The following FRMD4A variants were observed in gnomAD, a reference collection of about 807,000 sequenced individuals.
FRMD4A encodes the protein FERM domain-containing protein 4A.
In FRMD4A, 29 loss-of-function variants were observed where a neutral mutation model predicts 129.1. That is an observed-to-expected ratio of 0.22 (90% CI 0.17 to 0.31). FRMD4A has a LOEUF of 0.31. Among genes scored for constraint, FRMD4A ranks in the 10% least tolerant of loss-of-function variants. The pLI is 1.00. For missense variants in FRMD4A, 1,272 were observed against 1,375.8 expected, an observed-to-expected ratio of 0.92 and a Z score of 1.19; for synonymous variants, 634 against 571.6, an observed-to-expected ratio of 1.11 and a Z score of -1.56.
intron 2 of FRMD4A, among the ~76,000 whole-genome samples, chr10:14,133,129 G>T (rs1160577395): frequency 6.6e-6 from 1 of 152,176 alleles, no homozygotes; most frequent in Non-Finnish European, 1.5e-5. Context: ...TGATAAAAAT[G>T]ATTTCAATTT....
At chr10:13,766,924 T>C (rs1360599163) in intron 6 of FRMD4A, among the ~76,000 whole-genome samples, 1 of 151,898 alleles carries the variant, frequency 6.6e-6, no homozygotes. Flanking sequence ...AACACAAAAA[T>C]TAGTTGGGCG....
At chr10:14,100,484 A>T (rs1462182137) in intron 2 of FRMD4A, among the ~76,000 whole-genome samples, 1 of 152,166 alleles carries the variant, frequency 6.6e-6, no homozygotes, top group African/African-American at 2.4e-5. Flanking sequence ...GCTGTTTCAA[A>T]TGACTTTTCC....
intron 4 of FRMD4A, among the ~76,000 whole-genome samples, chr10:13,800,463 A>G (rs2093228435): frequency 6.6e-6 from 1 of 152,202 alleles, no homozygotes; most frequent in Admixed American, 6.5e-5. Flanking sequence ...TCAATCACCC[A>G]CAGACTGGAA....
intron 19 of FRMD4A, among the ~76,000 whole-genome samples, chr10:13,661,015 T>C (rs2082601235): frequency 6.6e-6 from 1 of 152,182 alleles, no homozygotes; most frequent in South Asian, 2.1e-4. Flanking sequence ...AGTAGGTGCT[T>C]GATAACCATT....
intron 2 of FRMD4A, among the ~76,000 whole-genome samples, chr10:14,152,403 C>T (rs1050874547): frequency 6.6e-6 from 1 of 152,118 alleles, no homozygotes; most frequent in Non-Finnish European, 1.5e-5. Context: ...GCTGGGATTA[C>T]AGGCGTGAGC....
Position 13,747,767 on chromosome 10 carries a change from C to T in FRMD4A, c.517G>A (p.Ala173Thr). The T allele has an allele frequency of 6.2e-7, 1 of 1,603,814 alleles. No individual in the cohort carries two copies. The highest frequency in any genetic ancestry group is 8.5e-7 in the Non-Finnish European group (1 of 1,170,910). Residue 173 changes from alanine (A) to threonine (T), a missense_variant, in exon 9 of 25, where the codon GCC (alanine) becomes ACC (threonine). Coordinates refer to ENST00000357447, the MANE Select transcript of FRMD4A (RefSeq NM_018027.5). ...GCCAGGGAAGGGTGCTCCTTCAGGG[C>T]TTGGGTGGGAAGGGCTGGCAGCTTC... ...LKKLPALPTQ[A>T]LKEHPSLAYC...
intron 4 of FRMD4A, among the ~76,000 whole-genome samples, chr10:13,800,591 C>T (rs1208536592): frequency 6.6e-6 from 1 of 152,166 alleles, no homozygotes; most frequent in African/African-American, 2.4e-5. Context: ...ATGGTCCAGG[C>T]TTGAGATATC....
intron 2 of FRMD4A, among the ~76,000 whole-genome samples, chr10:13,975,735 T>A (rs2095540104): frequency 6.7e-6 from 1 of 150,226 alleles, no homozygotes. Context: ...AATCTCTATA[T>A]ATGTGTCTGT....
intron 2 of FRMD4A, among the ~76,000 whole-genome samples, chr10:14,278,135 G>A (rs1016653564): frequency 6.6e-6 from 1 of 152,124 alleles, no homozygotes; most frequent in Non-Finnish European, 1.5e-5. Flanking sequence ...AGGCTTTCTG[G>A]GTTTGAAACC....
intron 2 of FRMD4A, among the ~76,000 whole-genome samples, chr10:14,262,962 C>T (rs1214611041): frequency 1.3e-5 from 2 of 152,214 alleles, no homozygotes; most frequent in Non-Finnish European, 2.9e-5. Flanking sequence ...ACAAATGCAG[C>T]CCGTGCTGTT....
chr10:13,852,363 C>A (rs1205256085), intron 3 of FRMD4A, among the ~76,000 whole-genome samples: 1 of 151,964 alleles, frequency 6.6e-6, no homozygotes, highest in African/African-American at 2.4e-5. Context: ...CTTGCCTCAG[C>A]CTCCCGAGTA....
At chr10:14,045,998 A>C (rs1023220779) in intron 2 of FRMD4A, among the ~76,000 whole-genome samples, 1 of 150,270 alleles carries the variant, frequency 6.7e-6, no homozygotes, top group Non-Finnish European at 1.5e-5. Flanking sequence ...AATGTTATAC[A>C]TATGTATTCA....
intron 2 of FRMD4A, among the ~76,000 whole-genome samples, chr10:14,062,438 G>A (rs752864555): frequency 1.3e-4 from 20 of 152,144 alleles, no homozygotes; most frequent in Admixed American, 3.3e-4. Flanking sequence ...ACATAGTCAG[G>A]GGCTTTGTGG....
At chr10:13,908,620 G>A (rs2094908177) in intron 2 of FRMD4A, among the ~76,000 whole-genome samples, 1 of 152,324 alleles carries the variant, frequency 6.6e-6, no homozygotes, top group Non-Finnish European at 1.5e-5. Flanking sequence ...TTACGTCTAA[G>A]TGTTCATTAT....
intron 2 of FRMD4A, among the ~76,000 whole-genome samples, chr10:13,947,591 T>TAC (rs748796572): frequency 3.3e-4 from 50 of 149,668 alleles, no homozygotes; most frequent in South Asian, 2.6e-3. Context: ...GCAACATGCA[T>TAC]ACACACACAC....
At chr10:14,149,432 TG>T (rs1448358222) in intron 2 of FRMD4A, among the ~76,000 whole-genome samples, 1 of 152,164 alleles carries the variant, frequency 6.6e-6, no homozygotes, top group Non-Finnish European at 1.5e-5. Flanking sequence ...CTTAAACTCC[TG>T]GGCTCAAGTG....
intron 2 of FRMD4A, chr10:14,074,890 A>T (rs1202928809): frequency 6.6e-6 from 1 of 152,238 alleles, no homozygotes; most frequent in East Asian, 1.9e-4. Flanking sequence ...CTTGACTTCC[A>T]GGAATTTACT....
At chr10:14,133,380 C>T (rs1449218248) in intron 2 of FRMD4A, among the ~76,000 whole-genome samples, 3 of 152,200 alleles carry the variant, frequency 2.0e-5, no homozygotes, top group Admixed American at 2.0e-4. Context: ...ATTACTTTTA[C>T]ACCAACCTAA....
In FRMD4A at chr10:13,657,153, G is replaced by GC; in HGVS notation, c.2435dup (p.Ala813ArgfsTer187). ...ACACACCGCCCCCCGCGCCCCCCGC[G>GC]CCCCCCGCACCCCCGCGCGCCGCCA... is the stretch of plus-strand genomic sequence containing the variant. On this transcript the variant is annotated frameshift_variant, in exon 22 of 25. Coordinates refer to ENST00000357447, the MANE Select transcript of FRMD4A (RefSeq NM_018027.5). LOFTEE classifies it high-confidence loss of function. 1.0e-6 allele frequency: 1 copy of GC among 1,004,912 alleles called. No individual in the cohort carries two copies. 62.2% of individuals were successfully genotyped at this position (1,004,912 alleles called of 1,614,324 possible).
Sources: allele counts gnomAD v4.1 joint callset (sites outside exome capture counted in the v4.1 genomes callset), GRCh38; gene constraint gnomAD v4.1.1; transcripts MANE v1.5; gene names NCBI Gene and HGNC (gene_info 2026-07-23, HGNC 2026-07-21).